Variants in PCDHGA1 observed in about 807,000 individuals in gnomAD.
PCDHGA1 encodes the protein protocadherin gamma subfamily A, 1.
PCDHGA1 carries 32 observed loss-of-function variants against 58.0 expected under a neutral mutation model. The observed-to-expected ratio is 0.55, with a 90% CI of 0.42 to 0.74. The LOEUF (loss-of-function observed/expected upper bound fraction) is 0.74. PCDHGA1 is among the 30% of genes least tolerant of loss of function. The pLI is 0.00. For synonymous variants in PCDHGA1, 498 were observed against 501.1 expected, an observed-to-expected ratio of 0.99 and a Z score of 0.08; for missense variants, 1,205 against 1,182.3, an observed-to-expected ratio of 1.02 and a Z score of -0.28.
At chr5:141,419,464 C>T (rs199965876) in intron 1 of PCDHGA1, 35 of 1,612,542 alleles carry the variant, frequency 2.2e-5, no homozygotes, top group Middle Eastern at 1.7e-4. Context: ...TGCAGGCCCG[C>T]GACCAGGGCT....
chr5:141,351,561 T>C (rs767147157), intron 1 of PCDHGA1: 1 of 1,614,004 alleles, frequency 6.2e-7, no homozygotes, highest in South Asian at 1.1e-5. Flanking sequence ...AGGACAAGCA[T>C]CACCCTGCAC....
intron 1 of PCDHGA1, chr5:141,417,045 A>G (rs890407837): frequency 7.2e-5 from 11 of 152,144 alleles, no homozygotes; most frequent in Admixed American, 1.3e-4. Context: ...TTTTAAAAAA[A>G]ACTGCTCTTG....
At chr5:141,419,201 A>C in intron 1 of PCDHGA1, 1 of 1,613,998 alleles carries the variant, frequency 6.2e-7, no homozygotes, top group South Asian at 1.1e-5. Context: ...CGTCAATGAC[A>C]ACGCGCCGGT....
At chr5:141,434,337 C>T (rs939910421) in intron 1 of PCDHGA1, among the ~76,000 whole-genome samples, 13 of 152,230 alleles carry the variant, frequency 8.5e-5, no homozygotes, top group African/African-American at 2.4e-4. Context: ...CTCTTTGTGT[C>T]GGGAACAGGC....
intron 1 of PCDHGA1, chr5:141,413,350 G>C: frequency 6.2e-7 from 1 of 1,613,974 alleles, no homozygotes; most frequent in South Asian, 1.1e-5. Context: ...CTTGGGTCTG[G>C]CGCCCCGGGA....
At chr5:141,346,569 T>C (rs1232384051) in intron 1 of PCDHGA1, 14 of 1,420,892 alleles carry the variant, frequency 9.9e-6, no homozygotes, top group Non-Finnish European at 1.2e-5. Flanking sequence ...TCATTAGTCC[T>C]TTGACTAAAT....
intron 1 of PCDHGA1, chr5:141,384,825 CG>C (rs1780562640): frequency 1.2e-6 from 2 of 1,613,472 alleles, no homozygotes; most frequent in Non-Finnish European, 1.7e-6. Context: ...AGCAGAGCCT[CG>C]TGGTGGCCGT....
At chr5:141,466,827 T>C (rs1414741980) in intron 1 of PCDHGA1, among the ~76,000 whole-genome samples, 1 of 152,194 alleles carries the variant, frequency 6.6e-6, no homozygotes, top group Admixed American at 6.5e-5. Context: ...AACAAGTTAG[T>C]ATGGGTTTAT....
intron 1 of PCDHGA1, among the ~76,000 whole-genome samples, chr5:141,470,997 A>G (rs905897657): frequency 3.8e-4 from 57 of 150,462 alleles, no homozygotes; most frequent in African/African-American, 1.3e-3. Flanking sequence ...GACTACAGGC[A>G]TGAGCCACTG....
At chr5:141,400,400 C>A (rs375490385) in intron 1 of PCDHGA1, 2 of 1,614,000 alleles carry the variant, frequency 1.2e-6, no homozygotes, top group Admixed American at 3.3e-5. Flanking sequence ...ACAGGAAAGA[C>A]GGAGTTTAAT....
chr5:141,450,310 G>A (rs1364358879), intron 1 of PCDHGA1, among the ~76,000 whole-genome samples: 1 of 151,966 alleles, frequency 6.6e-6, no homozygotes, highest in Non-Finnish European at 1.5e-5. Context: ...ACCATGTGTG[G>A]CCTAGTTGCC....
intron 1 of PCDHGA1, chr5:141,360,796 C>T (rs1267139317): frequency 6.2e-7 from 1 of 1,613,950 alleles, no homozygotes; most frequent in Admixed American, 1.7e-5. Context: ...CGGAGACCCA[C>T]CTCAAAGTGG....
intron 1 of PCDHGA1, chr5:141,479,691 C>T (rs2099503603): frequency 6.6e-6 from 1 of 152,206 alleles, no homozygotes; most frequent in Non-Finnish European, 1.5e-5. Context: ...TTTGGTGCCT[C>T]CAGTGTTAGT....
chr5:141,362,595 T>C, intron 1 of PCDHGA1: 3 of 1,586,430 alleles, frequency 1.9e-6, no homozygotes, highest in Non-Finnish European at 2.6e-6. Flanking sequence ...CTGGTTTTAT[T>C]GTTTCACCTA....
chr5:141,374,975 A>G (rs770625909), intron 1 of PCDHGA1: 2 of 1,613,964 alleles, frequency 1.2e-6, no homozygotes, highest in Non-Finnish European at 8.5e-7. Context: ...GAATGTTTTG[A>G]CTGGAGAAAT....
chr5:141,476,666 G>T lies in PCDHGA1; in HGVS notation c.2422-18141G>T. 9 of 1,614,246 alleles carry T rather than the reference G, an allele frequency of 5.6e-6. No homozygotes were observed. Among genetic ancestry groups the T allele is most frequent in the Non-Finnish European group, 7.6e-6 (9 of 1,180,044 alleles). ...CCGAAATGAATACTTTGCGCTTCGC[G>T]TGCAGACGCGGGAGGACAGCACCAA... On this transcript the variant is annotated intron_variant, in intron 1 of 3. Transcript: ENST00000517417. This position sits in a 1 kb window ranked among gnomAD's most constrained non-coding sequence, Gnocchi z 7.6.
At chr5:141,357,758 A>G (rs1450092651) in intron 1 of PCDHGA1, 1 of 1,041,576 alleles carries the variant, frequency 9.6e-7, no homozygotes, top group South Asian at 1.7e-5. Context: ...AAACTGGTGG[A>G]TGACCTTCCA....
intron 1 of PCDHGA1, among the ~76,000 whole-genome samples, chr5:141,336,609 A>C (rs139897999): frequency 3.3e-5 from 5 of 152,302 alleles, no homozygotes; most frequent in South Asian, 2.1e-4. Flanking sequence ...TTAATTCAAA[A>C]TGGATCAAAG....
intron 1 of PCDHGA1, among the ~76,000 whole-genome samples, chr5:141,446,714 G>T (rs193229261): frequency 2.6e-5 from 4 of 152,044 alleles, no homozygotes; most frequent in African/African-American, 9.7e-5. Flanking sequence ...TGATCTGCCC[G>T]CCTCGGCCTC....
Sources: allele counts gnomAD v4.1 joint callset (sites outside exome capture counted in the v4.1 genomes callset), GRCh38; gene constraint gnomAD v4.1.1; non-coding constraint Gnocchi (gnomAD v3.1); transcripts MANE v1.5; gene names NCBI Gene and HGNC (gene_info 2026-07-23, HGNC 2026-07-21).